BACH2: variants seen among roughly 807,000 people sequenced by gnomAD.
The protein encoded by BACH2 is BACH transcriptional regulator 2.
A neutral mutation model predicts 61.8 loss-of-function variants in BACH2; 5 were observed. The observed-to-expected ratio is 0.08, with a 90% CI of 0.04 to 0.17. The LOEUF (loss-of-function observed/expected upper bound fraction) is 0.17. Among genes scored for constraint, BACH2 ranks in the 10% least tolerant of loss-of-function variants. The probability of loss-of-function intolerance (pLI) is 1.00; values close to 1 mark genes in which losing one functional copy is unlikely to be tolerated. For missense variants in BACH2, 824 were observed against 1,091.1 expected, an observed-to-expected ratio of 0.76 and a Z score of 3.45; for synonymous variants, 446 against 440.1, an observed-to-expected ratio of 1.01 and a Z score of -0.17.
chr6:90,149,877 G>A (rs1784752661), intron 4 of BACH2, among the ~76,000 whole-genome samples: 1 of 152,166 alleles, frequency 6.6e-6, no homozygotes, highest in Non-Finnish European at 1.5e-5. Context: ...ATTTAGGGAG[G>A]AGCATAAGAG....
At chr6:90,229,092 G>A (rs1770008077) in intron 3 of BACH2, among the ~76,000 whole-genome samples, 1 of 152,188 alleles carries the variant, frequency 6.6e-6, no homozygotes, top group South Asian at 2.1e-4. Flanking sequence ...TTAAACCACT[G>A]TTCAAACTCT....
intron 3 of BACH2, chr6:90,218,006 C>T (rs912966053): frequency 6.6e-6 from 1 of 152,084 alleles, no homozygotes; most frequent in Admixed American, 6.6e-5. Flanking sequence ...TCGCAGCAAT[C>T]CTTCACAATA....
chr6:89,954,742 G>C (rs913498553), intron 6 of BACH2, among the ~76,000 whole-genome samples: 1 of 151,960 alleles, frequency 6.6e-6, no homozygotes, highest in East Asian at 1.9e-4. Flanking sequence ...GGACCAAGGA[G>C]GTGAATGAGC....
At position 90,160,468 on chromosome 6, in the gene BACH2, C is replaced by G. The variant is rs554826832; in HGVS notation, c.-162+46101G>C. ...CAGTGCACACAGTTATCACTATGGA[C>G]TGTTTTCTGTGAATTCTTTTAAAAT... is the stretch of plus-strand genomic sequence containing the variant. On this transcript the variant is annotated intron_variant, in intron 4 of 8. Coordinates refer to ENST00000257749, the MANE Select transcript of BACH2 (RefSeq NM_021813.4). Among the ~76,000 whole-genome samples, 98 of 152,302 alleles carry G rather than the reference C, an allele frequency of 6.4e-4. 3 individuals carry two copies. The South Asian group carries it at 0.02, about 31-fold the overall frequency.
At chr6:90,026,903 A>G (rs1778663769) in intron 5 of BACH2, among the ~76,000 whole-genome samples, 1 of 152,182 alleles carries the variant, frequency 6.6e-6, no homozygotes, top group Non-Finnish European at 1.5e-5. Context: ...TTTAGATTGC[A>G]AGTTGGTTCA....
chr6:90,056,549 A>T (rs1780363614), intron 5 of BACH2, among the ~76,000 whole-genome samples: 1 of 152,078 alleles, frequency 6.6e-6, no homozygotes, highest in South Asian at 2.1e-4. Context: ...CACTGTCAAC[A>T]TCAGACAGAT....
chr6:89,947,995 T>C (rs1773848448), intron 7 of BACH2, among the ~76,000 whole-genome samples: 1 of 152,050 alleles, frequency 6.6e-6, no homozygotes, highest in Non-Finnish European at 1.5e-5. Flanking sequence ...TTTAATTGAG[T>C]TAATATTTTT....
chr6:90,243,163 G>A (rs553274450), intron 3 of BACH2, among the ~76,000 whole-genome samples: 57 of 151,244 alleles, frequency 3.8e-4, no homozygotes, highest in African/African-American at 1.3e-3. Context: ...CAAAATGCTG[G>A]GATTACAGGC....
At chr6:89,960,421 C>T (rs970117135) in intron 6 of BACH2, among the ~76,000 whole-genome samples, 2 of 152,202 alleles carry the variant, frequency 1.3e-5, no homozygotes, top group Non-Finnish European at 2.9e-5. Context: ...CTGAAGTGAA[C>T]TAGGAAAGAA....
Position 90,089,067 on chromosome 6 carries a change from A to G in BACH2, c.-119T>C, listed in dbSNP as rs1782048970. 1 of 152,258 alleles carries G rather than the reference A, an allele frequency of 6.6e-6. No homozygotes were observed. Among genetic ancestry groups the G allele is most frequent in the Admixed American group, 6.6e-5 (1 of 15,260 alleles). 9.4% of individuals were successfully genotyped at this position (152,258 alleles called of 1,614,324 possible). A position where few individuals can be genotyped will look rare whatever the true frequency, so the allele number is the denominator to read the frequency against. On this transcript the variant is annotated 5_prime_UTR_variant, in exon 5 of 9. Transcript: ENST00000257749. ...GCAATCCATTCAGACATGGACCCCA[A>G]AGTTTTGTGGGGCAACCTTGTGACA...
chr6:90,156,172 G>A (rs1041094468), intron 4 of BACH2, among the ~76,000 whole-genome samples: 1 of 152,128 alleles, frequency 6.6e-6, no homozygotes, highest in Non-Finnish European at 1.5e-5. Context: ...GAGGGAAACT[G>A]AGGTAGGTAT....
At chr6:90,024,809 A>G (rs1778551334) in intron 5 of BACH2, among the ~76,000 whole-genome samples, 1 of 152,252 alleles carries the variant, frequency 6.6e-6, no homozygotes, top group Non-Finnish European at 1.5e-5. Flanking sequence ...GTCAACCCAA[A>G]GGATGAATCA....
chr6:90,291,897 A>C (rs897448038), intron 1 of BACH2, among the ~76,000 whole-genome samples: 1 of 152,192 alleles, frequency 6.6e-6, no homozygotes, highest in Non-Finnish European at 1.5e-5. Flanking sequence ...ACCAGCATTG[A>C]CTTCTGAACT....
intron 5 of BACH2, among the ~76,000 whole-genome samples, chr6:90,066,570 G>A (rs1780976867): frequency 1.3e-5 from 2 of 152,144 alleles, no homozygotes; most frequent in Non-Finnish European, 2.9e-5. Flanking sequence ...GAATATCAAG[G>A]TGTCAGCTCC....
chr6:89,935,258 T>C (rs1337083585), intron 8 of BACH2, among the ~76,000 whole-genome samples: 2 of 152,150 alleles, frequency 1.3e-5, no homozygotes, highest in East Asian at 3.9e-4. Flanking sequence ...AAAACACATC[T>C]GGGATGTCTC....
chr6:90,180,860 T>TAC (rs111933173), intron 4 of BACH2, among the ~76,000 whole-genome samples: 30,391 of 147,144 alleles, frequency 0.21, 5,786 homozygotes, highest in African/African-American at 0.51. Context: ...TTATGTGTAT[T>TAC]ACACACACAC....
intron 3 of BACH2, among the ~76,000 whole-genome samples, chr6:90,225,784 G>C (rs1247215179): frequency 6.6e-6 from 1 of 152,182 alleles, no homozygotes; most frequent in Non-Finnish European, 1.5e-5. Context: ...AAAAATTGGA[G>C]TCAGGAATTA....
intron 6 of BACH2, among the ~76,000 whole-genome samples, chr6:90,005,732 T>C (rs1052526892): frequency 2.0e-5 from 3 of 152,234 alleles, no homozygotes; most frequent in African/African-American, 7.2e-5. Context: ...GGCTTGCATG[T>C]TCCATCAACA....
At chr6:90,218,626 A>G (rs1769626957) in intron 3 of BACH2, among the ~76,000 whole-genome samples, 1 of 151,652 alleles carries the variant, frequency 6.6e-6, no homozygotes, top group Non-Finnish European at 1.5e-5. Context: ...GAGGGAGGAG[A>G]AGAATTGCTT....
Sources: gnomAD v4.1 joint callset for allele counts (sites outside exome capture counted in the v4.1 genomes callset) on GRCh38, gnomAD v4.1.1 for gene constraint, MANE v1.5 for transcripts, NCBI Gene and HGNC (gene_info 2026-07-23, HGNC 2026-07-21) for gene names.